The following MAML3 variants were observed in gnomAD, a reference collection of about 807,000 sequenced individuals.
The protein encoded by MAML3 is mastermind like transcriptional coactivator 3, also known as mastermind-like protein 3.
A neutral mutation model predicts 101.9 loss-of-function variants in MAML3; 27 were observed. The ratio of observed to expected loss-of-function variants is 0.27; its 90% confidence interval spans 0.20 to 0.37. MAML3 has a LOEUF of 0.37. Ranked by LOEUF, MAML3 falls within the 10% of genes least tolerant of loss-of-function variation. The pLI is 1.00. For synonymous variants in MAML3, 501 were observed against 555.9 expected, an observed-to-expected ratio of 0.90 and a Z score of 1.39; for missense variants, 1,316 against 1,444.9, an observed-to-expected ratio of 0.91 and a Z score of 1.45.
At chr4:139,741,139 T>C (rs897004806) in intron 2 of MAML3, among the ~76,000 whole-genome samples, 2 of 152,044 alleles carry the variant, frequency 1.3e-5, no homozygotes, top group Admixed American at 6.5e-5. Flanking sequence ...TTGAGGAGGC[T>C]AGGACTTAGA....
chr4:140,053,911 A>C (rs1280242991), intron 1 of MAML3, among the ~76,000 whole-genome samples: 1 of 152,248 alleles, frequency 6.6e-6, no homozygotes, highest in Non-Finnish European at 1.5e-5. Flanking sequence ...AACATCAGGC[A>C]GGCTAGGGTT....
chr4:139,762,086 A>T (rs1030849051), intron 2 of MAML3, among the ~76,000 whole-genome samples: 2 of 152,182 alleles, frequency 1.3e-5, no homozygotes, highest in African/African-American at 4.8e-5. Flanking sequence ...ACTTGCATGG[A>T]TGAAGGACTC....
chr4:139,756,121 G>T (rs919573555), intron 2 of MAML3, among the ~76,000 whole-genome samples: 1 of 152,164 alleles, frequency 6.6e-6, no homozygotes, highest in Non-Finnish European at 1.5e-5. Flanking sequence ...TGAACATACT[G>T]CAGGAGTATA....
chr4:139,817,079 A>G (rs1340219862), intron 2 of MAML3, among the ~76,000 whole-genome samples: 1 of 152,022 alleles, frequency 6.6e-6, no homozygotes, highest in Non-Finnish European at 1.5e-5. Flanking sequence ...CCATGATGTC[A>G]CTCTGACTAC....
At chr4:139,860,846 T>C (rs758765866) in intron 2 of MAML3, among the ~76,000 whole-genome samples, 18 of 152,234 alleles carry the variant, frequency 1.2e-4, no homozygotes, top group Non-Finnish European at 2.1e-4. Context: ...CTCTTCATTA[T>C]AGATGACTTT....
chr4:139,869,779 C>T lies in MAML3; in HGVS notation c.2079+19578G>A, dbSNP rs182671125. On this transcript the variant is annotated intron_variant, in intron 2 of 4. Transcript: ENST00000509479. The stretch of plus-strand genomic sequence containing the variant: ...TTGCAATTTGTTTTACCACCTATTA[C>T]CTTCTAGGAGATAAAACGTTCTGAA... Among the ~76,000 whole-genome samples, 430 of 152,306 alleles carry T rather than the reference C, an allele frequency of 2.8e-3. 1 individual carries two copies. Among genetic ancestry groups the T allele is most frequent in the Non-Finnish European group, 4.7e-3 (319 of 68,034 alleles).
chr4:139,798,445 C>T (rs1219599554), intron 2 of MAML3, among the ~76,000 whole-genome samples: 1 of 152,162 alleles, frequency 6.6e-6, no homozygotes, highest in African/African-American at 2.4e-5. Flanking sequence ...AGTTCAGTGT[C>T]CAAAGTTGTC....
Position 139,740,477 on chromosome 4 carries a change from T to G in MAML3, c.2080-9810A>C, listed in dbSNP as rs888279895. 3 of 152,116 alleles carry G rather than the reference T, an allele frequency of 2.0e-5. No homozygotes were observed. In the East Asian group the frequency reaches 5.8e-4, roughly 29 times the overall value. 9.4% of individuals were successfully genotyped at this position (152,116 alleles called of 1,614,324 possible). On this transcript the variant is annotated intron_variant, in intron 2 of 4. Transcript: ENST00000509479. The stretch of plus-strand genomic sequence containing the variant: ...TACCCATATGTTTGCTACCTTTCTT[T>G]CCTTGATTTAAAAATAGGGAGGGGG...
intron 1 of MAML3, among the ~76,000 whole-genome samples, chr4:140,086,534 T>C (rs1727955005): frequency 6.6e-6 from 1 of 152,196 alleles, no homozygotes. Flanking sequence ...AAAAAAGGCA[T>C]TTAAAATATC....
chr4:140,133,423 A>T (rs1196989868), intron 1 of MAML3, among the ~76,000 whole-genome samples: 1 of 152,196 alleles, frequency 6.6e-6, no homozygotes, highest in African/African-American at 2.4e-5. Flanking sequence ...AGATACTTAT[A>T]ATTGAATCAC....
chr4:140,003,350 G>A (rs973328770), intron 1 of MAML3, among the ~76,000 whole-genome samples: 3 of 152,162 alleles, frequency 2.0e-5, no homozygotes, highest in Non-Finnish European at 4.4e-5. Flanking sequence ...TATACTGGGA[G>A]AAAAGTACCT....
chr4:139,722,073 CATTTTGGGGTATA>C (rs1013878888), intron 4 of MAML3, among the ~76,000 whole-genome samples: 2 of 152,144 alleles, frequency 1.3e-5, no homozygotes, highest in African/African-American at 4.8e-5. Flanking sequence ...ATAATTTGGC[CATTTTGGGGTATA>C]TTTATAATGG....
At chr4:140,152,187 A>G (rs1400214990) in intron 1 of MAML3, among the ~76,000 whole-genome samples, 1 of 152,108 alleles carries the variant, frequency 6.6e-6, no homozygotes, top group East Asian at 1.9e-4. Flanking sequence ...CGCGCCCCGC[A>G]TCCGCGCGCG....
intron 1 of MAML3, among the ~76,000 whole-genome samples, chr4:140,051,859 G>C (rs559783618): frequency 6.6e-6 from 1 of 152,186 alleles, no homozygotes; most frequent in Admixed American, 6.5e-5. Context: ...GAGGCGCCGG[G>C]ATAAGAACCA....
chr4:140,057,298 T>C (rs1230534116), intron 1 of MAML3, among the ~76,000 whole-genome samples: 1 of 152,130 alleles, frequency 6.6e-6, no homozygotes, highest in Non-Finnish European at 1.5e-5. Context: ...AAAAGACTAA[T>C]ATGGACTCCA....
intron 2 of MAML3, among the ~76,000 whole-genome samples, chr4:139,844,112 C>T (rs959636492): frequency 6.6e-6 from 1 of 152,228 alleles, no homozygotes; most frequent in Non-Finnish European, 1.5e-5. Flanking sequence ...TGGAAGTCTG[C>T]AGCTGCTACA....
In MAML3 at chr4:140,069,378, AAGAAGAAGG is replaced by A. The variant is rs1279763293; in HGVS notation, c.468+83473_468+83481del. ...GGAGAAGGAGAAGAAGAAGAAGAAG[AAGAAGAAGG>A]AGGAGGAGGAGGAGGAGGAGGAGGA... On this transcript the variant is annotated intron_variant, in intron 1 of 4. Coordinates refer to ENST00000509479, the MANE Select transcript of MAML3 (RefSeq NM_018717.5). 4.7e-4 allele frequency among the ~76,000 whole-genome samples: 56 copies of A among 119,176 alleles called. 1 individual carries two copies. The highest frequency in any genetic ancestry group is 1.0e-3 in the African/African-American group (32 of 31,744). 78.2% of individuals were successfully genotyped at this position (119,176 alleles called of 152,430 possible). A position where few individuals can be genotyped will look rare whatever the true frequency, so the allele number is the denominator to read the frequency against.
chr4:140,092,064 ATATATATATACGTATATATATACG>A (rs1201377178), intron 1 of MAML3, among the ~76,000 whole-genome samples: 1 of 70,738 alleles, frequency 1.4e-5, no homozygotes. Context: ...TAAAAACTTT[ATATATATATACGTATATATATACG>A]TATATATATA....
At chr4:140,148,982 T>C (rs1234940671) in intron 1 of MAML3, among the ~76,000 whole-genome samples, 1 of 152,246 alleles carries the variant, frequency 6.6e-6, no homozygotes, top group African/African-American at 2.4e-5. Flanking sequence ...CAACTAAGAC[T>C]ATCACCATTT....
Sources: allele counts gnomAD v4.1 joint callset (sites outside exome capture counted in the v4.1 genomes callset), GRCh38; gene constraint gnomAD v4.1.1; transcripts MANE v1.5; gene names NCBI Gene and HGNC (gene_info 2026-07-23, HGNC 2026-07-21).